NOS2: variants seen among roughly 807,000 people sequenced by gnomAD.
NOS2 encodes the protein nitric oxide synthase 2, also known as nitric oxide synthase, inducible.
In NOS2, 96 loss-of-function variants were observed where a neutral mutation model predicts 136.0. That is an observed-to-expected ratio of 0.71 (90% CI 0.60 to 0.84). NOS2 has a LOEUF of 0.84. NOS2 is among the 40% of genes least tolerant of loss of function. The pLI is 0.00. For missense variants in NOS2, 1,237 were observed against 1,496.9 expected (o/e 0.83, Z 2.87); for synonymous variants, 539 against 587.5 (o/e 0.92, Z 1.20).
At chr17:27,789,413 G>A (rs750004599) in intron 3 of NOS2, among the ~76,000 whole-genome samples, 191 bp downstream of exon 3, 1 of 152,158 alleles carries the variant, frequency 6.6e-6, no homozygotes, top group Non-Finnish European at 1.5e-5. Context: ...GACCACTGGG[G>A]GTTGTCTCAC....
At chr17:27,782,844 C>A in intron 6 of NOS2, 100 bp downstream of exon 6, 1 of 1,220,048 alleles carries the variant, frequency 8.2e-7, no homozygotes, top group Admixed American at 2.2e-5. Context: ...TGGCTTCAGT[C>A]CCAGGAGGCC....
chr17:27,765,755 AT>A (rs1908281679), intron 19 of NOS2, 39 bp from the exon 20 acceptor site: 2 of 1,555,878 alleles, frequency 1.3e-6, no homozygotes. Flanking sequence ...ACATTGCAGG[AT>A]TTCCTCCAGG....
In NOS2 at chr17:27,781,024, TG is replaced by T. The variant is rs1258485571; in HGVS notation, c.864+11del. 1 of 1,611,646 alleles carries T rather than the reference TG, an allele frequency of 6.2e-7. No individual in the cohort carries two copies. Among genetic ancestry groups the T allele is most frequent in the East Asian group, 2.2e-5 (1 of 44,816 alleles). On this transcript the variant is annotated intron_variant, in intron 8 of 26. Coordinates refer to ENST00000313735, the MANE Select transcript of NOS2 (RefSeq NM_000625.4). Reference sequence around the variant, plus strand: ...CGCCCCAATGGCCGGTGGCTGAGGCTGGGCCGGGTACCTGAGTGAATTCCAC... The same window carrying T: ...CGCCCCAATGGCCGGTGGCTGAGGCTGGCCGGGTACCTGAGTGAATTCCAC...
intron 2 of NOS2, among the ~76,000 whole-genome samples, chr17:27,797,840 A>T (rs2142532762): frequency 6.6e-6 from 1 of 152,224 alleles, no homozygotes; most frequent in East Asian, 1.9e-4. Flanking sequence ...GAAGAATCCA[A>T]ATCTGGGCTC....
intron 2 of NOS2, chr17:27,793,808 G>T (rs551881735): frequency 9.1e-5 from 34 of 373,598 alleles, no homozygotes; most frequent in East Asian, 5.1e-4. Flanking sequence ...GAGCAGCGGC[G>T]GGGGCTCTTC....
At chr17:27,773,887 G>A (rs1567637296) in intron 12 of NOS2, among the ~76,000 whole-genome samples, 1 of 152,162 alleles carries the variant, frequency 6.6e-6, no homozygotes, top group Non-Finnish European at 1.5e-5. Flanking sequence ...TCAGAAAGGT[G>A]AAAGGACCCA....
rs1210959645 is a variant in NOS2 at position 27,770,872 on chromosome 17, C to A, written c.1809+41G>T. ...AGACCCTTTCCTGGGTCCTCCCGTG[C>A]CCTACCACCCCCTAGACCAGCCAGA... On this transcript the variant is annotated intron_variant, in intron 15 of 26. Transcript: ENST00000313735. The A allele has an allele frequency of 4.7e-6, 7 of 1,492,766 alleles. No homozygotes were observed. In the Middle Eastern group the frequency reaches 5.1e-4, roughly 109 times the overall value. 92.5% of individuals were successfully genotyped at this position (1,492,766 alleles called of 1,614,324 possible).
At chr17:27,774,529 C>G in intron 11 of NOS2, 78 bp from the exon 12 acceptor site, 1 of 1,149,098 alleles carries the variant, frequency 8.7e-7, no homozygotes, top group Non-Finnish European at 1.2e-6. Flanking sequence ...GCAGGGCTCC[C>G]AGAGAGTGCC....
Position 27,769,569 on chromosome 17 carries a change from G to A in NOS2, c.1825C>T (p.Leu609Phe). The part of the protein sequence containing the change: ...PGNGEKLKKS[L>F]FMLKELNNKF... ...TTGTTGAGCTCTTTCAGCATGAAGA[G>A]CGATTTCTTCAGTTTCTAGAAAGAG... The change falls in exon 16 of 27, where the codon CTC becomes TTC. Residue 609 changes from leucine (L) to phenylalanine (F), a missense_variant. By Grantham distance (22) the Leu-to-Phe change is conservative. Around this residue, in one of 3 missense-constraint regions of NOS2, gnomAD observed 782 missense variants for 909.9 expected, o/e 0.86. Transcript: ENST00000313735. 1 of 1,613,260 alleles carries A rather than the reference G, an allele frequency of 6.2e-7. No homozygotes were observed. The highest frequency in any genetic ancestry group is 2.2e-5 in the East Asian group (1 of 44,874).
chr17:27,780,999 C>T (rs755396838), intron 8 of NOS2, 37 bp downstream of exon 8: 17 of 1,605,956 alleles, frequency 1.1e-5, no homozygotes, highest in Admixed American at 5.0e-5. Context: ...CGGGGCTCCC[C>T]GCCCCAATGG....
chr17:27,792,268 C>CTGTG (rs28998824), intron 2 of NOS2, among the ~76,000 whole-genome samples: 11,766 of 151,266 alleles, frequency 0.078, 1,012 homozygotes, highest in African/African-American at 0.22. Context: ...CTGATGCTGG[C>CTGTG]TGTGTGTGTG....
At chr17:27,772,590 C>A (rs998673865) in intron 13 of NOS2, 138 bp from the exon 14 acceptor site, 3 of 946,960 alleles carry the variant, frequency 3.2e-6, no homozygotes, top group Non-Finnish European at 4.7e-6. Context: ...TTCTCACCAG[C>A]CATGTACCGT....
intron 4 of NOS2, among the ~76,000 whole-genome samples, chr17:27,788,293 T>C (rs1007391334): frequency 1.3e-5 from 2 of 152,122 alleles, no homozygotes; most frequent in African/African-American, 4.8e-5. Context: ...GCTTTCATGG[T>C]CCTGAAATTG....
chr17:27,793,287 A>G (rs1909249635), intron 2 of NOS2, among the ~76,000 whole-genome samples: 1 of 152,180 alleles, frequency 6.6e-6, no homozygotes, highest in Non-Finnish European at 1.5e-5. Context: ...CAAAGAGTGT[A>G]GCAACTTTCA....
At chr17:27,770,830 G>T in intron 15 of NOS2, 83 bp downstream of exon 15, 1 of 973,644 alleles carries the variant, frequency 1.0e-6, no homozygotes, top group Non-Finnish European at 1.6e-6. Flanking sequence ...TCCTCCGTAG[G>T]ACCTGCCGCA....
At chr17:27,769,440 A>G in intron 16 of NOS2, 95 bp downstream of exon 16, 1 of 1,078,596 alleles carries the variant, frequency 9.3e-7, no homozygotes, top group Non-Finnish European at 1.4e-6. Context: ...CACGGTTCTG[A>G]GAAGACCCCC....
At chr17:27,774,831 G>A (rs1030015087) in intron 11 of NOS2, among the ~76,000 whole-genome samples, 1 of 152,326 alleles carries the variant, frequency 6.6e-6, no homozygotes. Context: ...TACCATCCCA[G>A]CCATTTATGG....
chr17:27,769,852 C>A (rs186732238), intron 15 of NOS2, among the ~76,000 whole-genome samples: 8 of 152,352 alleles, frequency 5.3e-5, no homozygotes, highest in Admixed American at 3.9e-4. Context: ...ACCCATCCAG[C>A]CCTGGCAGAG....
chr17:27,777,120 T>TC (rs1293650400), intron 11 of NOS2, among the ~76,000 whole-genome samples: 1 of 152,064 alleles, frequency 6.6e-6, no homozygotes, highest in Non-Finnish European at 1.5e-5. Context: ...CATCTTCCCC[T>TC]CCCCCGTCAA....
Sources: allele counts gnomAD v4.1 joint callset (sites outside exome capture counted in the v4.1 genomes callset), GRCh38; gene constraint gnomAD v4.1.1; regional missense constraint gnomAD v4.1.1; transcripts MANE v1.5; gene names NCBI Gene and HGNC (gene_info 2026-07-23, HGNC 2026-07-21).